The following GPC3 variants were observed in gnomAD, a reference collection of about 807,000 sequenced individuals.
The protein encoded by GPC3 is glypican-3.
Under a neutral mutation model 34.4 loss-of-function variants are expected in GPC3, and 3 were observed. That is an observed-to-expected ratio of 0.09 (90% CI 0.04 to 0.23). The LOEUF (loss-of-function observed/expected upper bound fraction) is 0.23. Among genes scored for constraint, GPC3 ranks in the 10% least tolerant of loss-of-function variants. GPC3 has a pLI of 1.00. For missense variants in GPC3, 351 were observed against 445.6 expected (o/e 0.79, Z 1.91); for synonymous variants, 177 against 174.0 (o/e 1.02, Z -0.13).
intron 2 of GPC3, among the ~76,000 whole-genome samples, chrX:133,754,925 G>A (rs905898404): frequency 8.9e-6 from 1 of 112,088 alleles, no homozygotes; most frequent in Non-Finnish European, 1.9e-5. Flanking sequence ...ACATGGCTTG[G>A]AAGCCTTATC....
chrX:133,677,661 AGAG>A (rs2070897903), intron 5 of GPC3, among the ~76,000 whole-genome samples: 1 of 111,822 alleles, frequency 8.9e-6, no homozygotes, highest in East Asian at 2.8e-4. Flanking sequence ...GCATGTGAGT[AGAG>A]GAGATTAAAT....
At chrX:133,762,997 A>G (rs1451624660) in intron 2 of GPC3, 7 of 734,807 alleles carry the variant, frequency 9.5e-6, no homozygotes, top group Non-Finnish European at 1.5e-5. Flanking sequence ...CATTGTTGCC[A>G]TTGAAAACCC....
intron 5 of GPC3, among the ~76,000 whole-genome samples, chrX:133,675,339 T>C (rs2070872822): frequency 9.0e-6 from 1 of 111,546 alleles, no homozygotes; most frequent in Non-Finnish European, 1.9e-5. Flanking sequence ...GGTGTTAGTT[T>C]AACTGACTCA....
At chrX:133,677,556 G>C (rs2070896884) in intron 5 of GPC3, among the ~76,000 whole-genome samples, 2 of 112,335 alleles carry the variant, frequency 1.8e-5, no homozygotes, top group African/African-American at 6.5e-5. Flanking sequence ...ACTCAGGCTG[G>C]AGTCTCAGCC....
intron 3 of GPC3, among the ~76,000 whole-genome samples, chrX:133,751,970 C>T (rs149125743): frequency 0.014 from 1,555 of 111,430 alleles, 27 homozygotes; most frequent in African/African-American, 0.047. Context: ...CTCACTGCAG[C>T]GTTGATCCTC....
chrX:133,731,800 A>G (rs1011477678), intron 3 of GPC3, among the ~76,000 whole-genome samples: 1 of 112,645 alleles, frequency 8.9e-6, no homozygotes, highest in Non-Finnish European at 1.9e-5. Context: ...TGCCCTGTCT[A>G]CGTTAAGCCT....
rs2071073602 is a variant in GPC3 at position 133,692,434 on chromosome X, G to A, written c.1227C>T (p.Ile409=). 1 of 1,199,888 alleles carries A rather than the reference G, an allele frequency of 8.3e-7. No individual in the cohort carries two copies. The highest frequency in any genetic ancestry group is 1.8e-5 in the South Asian group (1 of 56,761). ...TTTCCGCCACAGGGCTATGGCTGCA[G>A]ATGTAGCCAGGCAAAGCACTATAGA... ...ISFYSALPGY[I]CSHSPVAEND... is the part of the protein sequence containing the mutation. Residue 409 remains isoleucine, a synonymous_variant, in exon 5 of 8, where the codon ATC becomes ATT. Coordinates refer to ENST00000370818, the MANE Select transcript of GPC3 (RefSeq NM_004484.4).
chrX:133,612,698 T>C (rs982092534), intron 6 of GPC3, among the ~76,000 whole-genome samples: 4 of 112,451 alleles, frequency 3.6e-5, no homozygotes. Flanking sequence ...GTGGTTTAAG[T>C]TTTCCATATT....
At chrX:133,630,070 A>C in intron 6 of GPC3, among the ~76,000 whole-genome samples, 1 of 111,536 alleles carries the variant, frequency 9.0e-6, no homozygotes, top group Non-Finnish European at 1.9e-5. Flanking sequence ...TAAAAAAGAA[A>C]AAAGAAAAAA....
chrX:133,661,077 G>A (rs72615415), intron 6 of GPC3, among the ~76,000 whole-genome samples: 5,813 of 110,840 alleles, frequency 0.052, 242 homozygotes, highest in East Asian at 0.31. Context: ...GCTGAGACAC[G>A]AGAATATCTT....
At chrX:133,687,383 G>GTTTTTTT (rs1189478107) in intron 5 of GPC3, among the ~76,000 whole-genome samples, 1 of 50,207 alleles carries the variant, frequency 2.0e-5, no homozygotes, top group Non-Finnish European at 3.9e-5. Context: ...AATTATCAGA[G>GTTTTTTT]TTTTTTTTTT....
At chrX:133,908,433 T>TACCCTGCCCTAACAAAGTCCTC (rs2076180520) in intron 2 of GPC3, among the ~76,000 whole-genome samples, 1 of 110,000 alleles carries the variant, frequency 9.1e-6, no homozygotes, top group African/African-American at 3.3e-5. Flanking sequence ...ACAAAGTCCT[T>TACCCTGCCCTAACAAAGTCCTC]GGTCTAGTGG....
intron 2 of GPC3, among the ~76,000 whole-genome samples, chrX:133,817,336 C>A (rs2075697178): frequency 8.9e-6 from 1 of 112,173 alleles, no homozygotes; most frequent in Non-Finnish European, 1.9e-5. Context: ...TGATGCCAGA[C>A]AAATCAGGTA....
Position 133,837,737 on chromosome X carries a change from G to A in GPC3, c.338-83561C>T, listed in dbSNP as rs745613995. The stretch of plus-strand genomic sequence containing the variant: ...CTGATCAGTTCTGTACCTTGCTTTC[G>A]TTTAACTCTCAGACCAAATACCAAG... On this transcript the variant is annotated intron_variant, in intron 2 of 7. Coordinates refer to ENST00000370818, the MANE Select transcript of GPC3 (RefSeq NM_004484.4). Among the ~76,000 whole-genome samples, 8 of 111,675 alleles carry A rather than the reference G, an allele frequency of 7.2e-5. No homozygotes were observed. The East Asian group carries it at 1.4e-3, about 20-fold the overall frequency.
chrX:133,839,927 CAA>C (rs138981758), intron 2 of GPC3, among the ~76,000 whole-genome samples: 5 of 50,077 alleles, frequency 1.0e-4, no homozygotes, highest in Admixed American at 2.8e-4. Context: ...GACTCCGTTT[CAA>C]AAAAAAAAAA....
chrX:133,896,263 A>G (rs955997728), intron 2 of GPC3, among the ~76,000 whole-genome samples: 3 of 111,123 alleles, frequency 2.7e-5, no homozygotes, highest in Non-Finnish European at 5.7e-5. Flanking sequence ...TGGGAGGCTG[A>G]AGCAGGAGAA....
intron 5 of GPC3, among the ~76,000 whole-genome samples, chrX:133,662,600 A>G (rs1048936736): frequency 5.3e-5 from 6 of 112,506 alleles, no homozygotes; most frequent in African/African-American, 1.6e-4. Flanking sequence ...GCCAACTTCA[A>G]CTGGGACAGT....
intron 2 of GPC3, among the ~76,000 whole-genome samples, chrX:133,852,925 CA>C (rs1211288195): frequency 1.4e-5 from 1 of 73,075 alleles, no homozygotes; most frequent in Non-Finnish European, 2.4e-5. Flanking sequence ...GAGAAAGTTT[CA>C]AAAGAAGACA....
At chrX:133,600,151 G>A (rs1260002669) in intron 6 of GPC3, among the ~76,000 whole-genome samples, 1 of 111,893 alleles carries the variant, frequency 8.9e-6, no homozygotes, top group Non-Finnish European at 1.9e-5. Flanking sequence ...TTAAGGCAGT[G>A]TCTAGCACAT....
Sources: gnomAD v4.1 joint callset for allele counts (sites outside exome capture counted in the v4.1 genomes callset) on GRCh38, gnomAD v4.1.1 for gene constraint, MANE v1.5 for transcripts, NCBI Gene and HGNC (gene_info 2026-07-23, HGNC 2026-07-21) for gene names.